The following CALN1 variants were observed in gnomAD, a reference collection of about 807,000 sequenced individuals.
CALN1 encodes calcium-binding protein 8.
Under a neutral mutation model 30.6 loss-of-function variants are expected in CALN1, and 17 were observed. The observed-to-expected ratio is 0.56, with a 90% CI of 0.38 to 0.83. The LOEUF (loss-of-function observed/expected upper bound fraction) is 0.83, where lower values mean the gene tolerates loss of function less well. Ranked by LOEUF, CALN1 falls within the 40% of genes least tolerant of loss-of-function variation. CALN1 has a pLI of 0.00. For synonymous variants in CALN1, 156 were observed against 131.4 expected, an observed-to-expected ratio of 1.19 and a Z score of -1.28; for missense variants, 291 against 354.9, an observed-to-expected ratio of 0.82 and a Z score of 1.45.
At chr7:71,936,884 A>G (rs1476233310) in intron 5 of CALN1, among the ~76,000 whole-genome samples, 1 of 151,104 alleles carries the variant, frequency 6.6e-6, no homozygotes, top group African/African-American at 2.5e-5. Context: ...ATGAGATCTG[A>G]TGGTTTTATC....
At chr7:71,999,158 T>A (rs184204558) in intron 5 of CALN1, among the ~76,000 whole-genome samples, 2 of 152,326 alleles carry the variant, frequency 1.3e-5, no homozygotes, top group Admixed American at 1.3e-4. Context: ...ATATTAATTT[T>A]AAGAAGCAGC....
chr7:72,336,042 C>CT lies in CALN1; in HGVS notation c.120-57233dup, dbSNP rs541976019. ...CCTGGGCGCCAGACCCATCCAGCTG[C>CT]TTGGAGCTCAGAGACTAGGTCCCAG... On this transcript the variant is annotated intron_variant, in intron 2 of 6. Coordinates refer to ENST00000395275, the MANE Select transcript of CALN1 (RefSeq NM_031468.4). 2.6e-3 allele frequency among the ~76,000 whole-genome samples: 398 copies of CT among 152,338 alleles called. 1 individual carries two copies. The highest frequency in any genetic ancestry group is 4.5e-3 in the Non-Finnish European group (303 of 68,022).
chr7:71,917,784 A>T (rs1425623396), intron 5 of CALN1, among the ~76,000 whole-genome samples: 1 of 152,206 alleles, frequency 6.6e-6, no homozygotes, highest in African/African-American at 2.4e-5. Context: ...GGGGATTATT[A>T]AAATTCAAGG....
chr7:72,132,204 C>G (rs1047113212), intron 3 of CALN1, among the ~76,000 whole-genome samples: 2 of 152,130 alleles, frequency 1.3e-5, no homozygotes, highest in African/African-American at 2.4e-5. Flanking sequence ...ATTTAATACA[C>G]CTAACCTACT....
chr7:72,342,856 A>G (rs974503349), intron 2 of CALN1, among the ~76,000 whole-genome samples: 31 of 148,898 alleles, frequency 2.1e-4, no homozygotes, highest in African/African-American at 6.9e-4. Flanking sequence ...GTAGAAGTAG[A>G]AAAAAAAAAT....
chr7:71,904,264 C>A (rs1453125113), intron 5 of CALN1, among the ~76,000 whole-genome samples: 1 of 152,092 alleles, frequency 6.6e-6, no homozygotes, highest in Non-Finnish European at 1.5e-5. Context: ...TTTGTTACAG[C>A]AGTATTCACA....
chr7:72,245,282 T>G (rs140291561), intron 3 of CALN1, among the ~76,000 whole-genome samples: 40 of 152,270 alleles, frequency 2.6e-4, no homozygotes, highest in African/African-American at 9.4e-4. Context: ...TGACTTTTCC[T>G]GCAACCCTAC....
At chr7:72,145,170 A>G (rs537086094) in intron 3 of CALN1, among the ~76,000 whole-genome samples, 1 of 152,318 alleles carries the variant, frequency 6.6e-6, no homozygotes, top group East Asian at 1.9e-4. Context: ...CAAAAAATCA[A>G]TGAATCCAGG....
At chr7:72,222,832 G>A (rs1354030874) in intron 3 of CALN1, among the ~76,000 whole-genome samples, 1 of 151,634 alleles carries the variant, frequency 6.6e-6, no homozygotes, top group African/African-American at 2.4e-5. Flanking sequence ...ACAAGCCTGA[G>A]CAACATAGTG....
At chr7:71,930,752 G>C (rs1795508639) in intron 5 of CALN1, among the ~76,000 whole-genome samples, 1 of 152,200 alleles carries the variant, frequency 6.6e-6, no homozygotes, top group South Asian at 2.1e-4. Context: ...TCGCGTGTGT[G>C]TATTCTGGTG....
chr7:71,801,472 C>CT (rs1554340287), intron 6 of CALN1, among the ~76,000 whole-genome samples: 7 of 151,396 alleles, frequency 4.6e-5, no homozygotes, highest in East Asian at 2.0e-4. Flanking sequence ...ATCTATCTAT[C>CT]GAGACAGGGT....
intron 2 of CALN1, among the ~76,000 whole-genome samples, chr7:72,356,382 C>T (rs563011238): frequency 6.6e-6 from 1 of 151,990 alleles, no homozygotes. Context: ...AACAATTGCA[C>T]AAAATGTAGG....
chr7:72,493,409 G>C, the CALN1 span, among the ~76,000 whole-genome samples: 1 of 151,756 alleles, frequency 6.6e-6, no homozygotes, highest in Non-Finnish European at 1.5e-5. Flanking sequence ...TGCAATCTTG[G>C]CTCACTGCAG....
At chr7:71,826,109 A>T (rs1486697739) in intron 5 of CALN1, among the ~76,000 whole-genome samples, 1 of 151,756 alleles carries the variant, frequency 6.6e-6, no homozygotes, top group Non-Finnish European at 1.5e-5. Context: ...ACTATGGATA[A>T]ATCCATTTGG....
At chr7:72,476,320 T>C in the CALN1 span, among the ~76,000 whole-genome samples, 3 of 152,148 alleles carry the variant, frequency 2.0e-5, no homozygotes, top group Non-Finnish European at 2.9e-5. Flanking sequence ...CTTTCTGCCA[T>C]GATTGTGAGG....
intron 3 of CALN1, among the ~76,000 whole-genome samples, chr7:72,130,199 C>CA (rs1809041048): frequency 1.3e-5 from 2 of 152,188 alleles, no homozygotes; most frequent in African/African-American, 4.8e-5. Context: ...ACTTTACAGC[C>CA]ACCAGAATCA....
rs376858301 is a variant in CALN1 at position 72,048,668 on chromosome 7, T to C, written c.389-24899A>G. ...ATTTCCTTCCTTTTCCTCCCTCCCT[T>C]CCCTCCTTCCTTGTCTGCCTCCCCT... On this transcript the variant is annotated intron_variant, in intron 4 of 6. Coordinates refer to ENST00000395275, the MANE Select transcript of CALN1 (RefSeq NM_031468.4). 2.4e-4 allele frequency among the ~76,000 whole-genome samples: 37 copies of C among 151,346 alleles called. No homozygotes were observed. The East Asian group carries it at 3.3e-3, about 14-fold the overall frequency.
chr7:72,360,593 CTTTTT>C (rs1803513182), intron 2 of CALN1, among the ~76,000 whole-genome samples: 1 of 149,284 alleles, frequency 6.7e-6, no homozygotes, highest in Non-Finnish European at 1.5e-5. Flanking sequence ...TACTGTAACA[CTTTTT>C]CTTTTCTATT....
At chr7:72,236,366 C>A (rs1347615736) in intron 3 of CALN1, among the ~76,000 whole-genome samples, 1 of 152,140 alleles carries the variant, frequency 6.6e-6, no homozygotes, top group African/African-American at 2.4e-5. Flanking sequence ...ACTCATCAAG[C>A]CCACCCGCCC....
Sources: allele counts gnomAD v4.1 joint callset (sites outside exome capture counted in the v4.1 genomes callset), GRCh38; gene constraint gnomAD v4.1.1; transcripts MANE v1.5; gene names NCBI Gene and HGNC (gene_info 2026-07-23, HGNC 2026-07-21).